TG: variants seen among roughly 807,000 people sequenced by gnomAD.
The protein encoded by TG is thyroglobulin, also known as thyroid hormones.
A neutral mutation model predicts 324.7 loss-of-function variants in TG; 270 were observed. That is an observed-to-expected ratio of 0.83 (90% confidence interval 0.75 to 0.92). The LOEUF is 0.92. Ranked by LOEUF, TG falls within the 40% of genes least tolerant of loss-of-function variation. The probability of loss-of-function intolerance (pLI) is 0.00; values close to 1 mark genes in which losing one functional copy is unlikely to be tolerated. For missense variants in TG, 3,591 were observed against 3,456.4 expected (o/e 1.04, Z -0.98); for synonymous variants, 1,401 against 1,327.0 (o/e 1.06, Z -1.21).
chr8:132,882,077 C>A, intron 6 of TG, 108 bp downstream of exon 6: 1 of 793,712 alleles, frequency 1.3e-6, no homozygotes. Flanking sequence ...TGCCTGCCCC[C>A]TGCCAGGCTG....
At chr8:133,076,142 A>G (rs1440014789) in intron 41 of TG, 3 of 152,198 alleles carry the variant, frequency 2.0e-5, no homozygotes, top group Admixed American at 2.0e-4. Context: ...ATGCCAGGTA[A>G]CCACACTGGG....
At chr8:132,893,087 G>A (rs1816493587) in intron 10 of TG, among the ~76,000 whole-genome samples, 1 of 148,712 alleles carries the variant, frequency 6.7e-6, no homozygotes, top group Non-Finnish European at 1.5e-5. Flanking sequence ...TGGTGTATGT[G>A]TGTGGTGTTC....
chr8:132,973,314 G>A (rs1158925692), intron 34 of TG, among the ~76,000 whole-genome samples: 3 of 152,212 alleles, frequency 2.0e-5, no homozygotes, highest in Admixed American at 1.3e-4. Context: ...TCCCATGGAG[G>A]AAAACGGGGA....
Position 132,941,337 on chromosome 8 carries a change from T to G in TG, c.5042-14T>G. On this transcript the variant is annotated splice_polypyrimidine_tract_variant and intron_variant, in intron 25 of 47. Coordinates refer to ENST00000220616, the MANE Select transcript of TG (RefSeq NM_003235.5). ...TTTGAGGTCTTTTAAAATTTTGTTC[T>G]GCCTTTCCCCCAGGCCAAGGATCCA... 6.2e-7 allele frequency: 1 copy of G among 1,614,210 alleles called. No individual in the cohort carries two copies. The highest frequency in any genetic ancestry group is 1.7e-5 in the Admixed American group (1 of 60,028).
At chr8:132,995,219 T>G (rs1832756577) in intron 35 of TG, 1 of 956,296 alleles carries the variant, frequency 1.0e-6, no homozygotes, top group African/African-American at 1.8e-5. Flanking sequence ...TAAGGTAGAA[T>G]TCACCATGTT....
At chr8:132,872,655 T>TA (rs1563889459) in intron 4 of TG, among the ~76,000 whole-genome samples, 1 of 152,124 alleles carries the variant, frequency 6.6e-6, no homozygotes, top group Non-Finnish European at 1.5e-5. Context: ...CCGGAGCAAC[T>TA]GCCAGTCCTG....
intron 43 of TG, chr8:133,102,411 AC>A (rs1849375870): frequency 1.5e-6 from 1 of 679,718 alleles, no homozygotes; most frequent in African/African-American, 1.8e-5. Context: ...ACCAGCAGAG[AC>A]CCACCCATTT....
intron 44 of TG, among the ~76,000 whole-genome samples, chr8:133,116,245 T>C (rs1850675648): frequency 6.6e-6 from 1 of 152,260 alleles, no homozygotes; most frequent in African/African-American, 2.4e-5. Flanking sequence ...AACTCCACTG[T>C]ATATTGCATT....
rs2739158 is a variant in TG, at chr8:133,074,842, T to C, written c.7240-20202T>C. Reference sequence around the variant, plus strand: ...TCCCCACCCCATCTCTGCCACATACTCCCAAAATACCTTCACACACTGGGC... The same window carrying C: ...TCCCCACCCCATCTCTGCCACATACCCCCAAAATACCTTCACACACTGGGC... On this transcript the variant is annotated intron_variant, in intron 41 of 47. Transcript: ENST00000220616. The C allele has an allele frequency of 0.79, 780,964 of 984,500 alleles. 309,996 individuals are homozygous for C. The highest frequency in any genetic ancestry group is 0.85 in the Admixed American group (13,764 of 16,268). The allele number at this position is 984,500 out of a possible 1,614,324, so 61.0% of individuals were successfully genotyped here. A position where few individuals can be genotyped will look rare whatever the true frequency, so the allele number is the denominator to read the frequency against.
At chr8:133,053,857 A>G (rs2403912) in intron 41 of TG, among the ~76,000 whole-genome samples, 8,166 of 152,262 alleles carry the variant, frequency 0.054, 694 homozygotes, top group African/African-American at 0.18. Context: ...TTTGATAGCT[A>G]TGGCACTTAA....
chr8:133,043,092 C>T (rs1410866057), intron 41 of TG, among the ~76,000 whole-genome samples: 1 of 152,128 alleles, frequency 6.6e-6, no homozygotes, highest in Non-Finnish European at 1.5e-5. Context: ...CCGGTTTTTA[C>T]CCTTTTCAGT....
At chr8:133,065,156 C>A (rs1488285037) in intron 41 of TG, among the ~76,000 whole-genome samples, 3 of 152,180 alleles carry the variant, frequency 2.0e-5, no homozygotes, top group Non-Finnish European at 4.4e-5. Context: ...TGAATGCCAA[C>A]AACAACGGTG....
chr8:132,897,817 A>C, intron 12 of TG, 31 bp downstream of exon 12: 1 of 1,613,470 alleles, frequency 6.2e-7, no homozygotes, highest in South Asian at 1.1e-5. Context: ...TCAGGTGGCC[A>C]AGTGACACCC....
Position 132,906,906 on chromosome 8 carries a change from T to G in TG, c.3847+6T>G. The G allele has an allele frequency of 1.9e-6, 3 of 1,608,408 alleles. No homozygotes were observed. Among genetic ancestry groups the G allele is most frequent in the Non-Finnish European group, 2.5e-6 (3 of 1,177,570 alleles). On this transcript the variant is annotated splice_donor_region_variant and intron_variant, in intron 17 of 47. Coordinates refer to ENST00000220616, the MANE Select transcript of TG (RefSeq NM_003235.5). ...TCAGCCCCGGGCCTGCCAACGTGAGTGGCATCAGAGCATCTATCCTGCACC... is the reference window on the plus strand; with the variant it reads ...TCAGCCCCGGGCCTGCCAACGTGAGGGGCATCAGAGCATCTATCCTGCACC...
intron 41 of TG, chr8:133,048,741 T>G (rs1445488750): frequency 6.3e-6 from 1 of 159,356 alleles, no homozygotes; most frequent in Admixed American, 6.1e-5. Flanking sequence ...GACTCCCATC[T>G]CTTTCAGAAC....
chr8:132,961,165 G>A (rs2130343775), intron 28 of TG, 92 bp downstream of exon 28: 3 of 1,268,750 alleles, frequency 2.4e-6, no homozygotes, highest in Non-Finnish European at 3.5e-6. Flanking sequence ...CTCTATTTCT[G>A]TAGAGGAATA....
chr8:133,047,964 C>CG (rs1839770286), intron 41 of TG: 5 of 1,374,864 alleles, frequency 3.6e-6, no homozygotes, highest in Non-Finnish European at 4.1e-6. Flanking sequence ...CATTAGGATC[C>CG]GGAACAAGCC....
chr8:133,092,606 A>G (rs1211144463), intron 41 of TG, among the ~76,000 whole-genome samples: 1 of 152,156 alleles, frequency 6.6e-6, no homozygotes, highest in Non-Finnish European at 1.5e-5. Context: ...CAGCAACCCT[A>G]TAACGTATGG....
At chr8:133,049,197 C>G (rs1354084805) in intron 41 of TG, 2 of 455,442 alleles carry the variant, frequency 4.4e-6, no homozygotes, top group East Asian at 1.4e-4. Context: ...CAGGGGAAAG[C>G]AGGGTGCTTA....
Sources: allele counts gnomAD v4.1 joint callset (sites outside exome capture counted in the v4.1 genomes callset), GRCh38; gene constraint gnomAD v4.1.1; transcripts MANE v1.5; gene names NCBI Gene and HGNC (gene_info 2026-07-23, HGNC 2026-07-21).